WASHC4: variants seen among roughly 807,000 people sequenced by gnomAD.
WASHC4 encodes the protein WASH complex subunit 4, also known as WASH complex subunit 7.
A neutral mutation model predicts 166.6 loss-of-function variants in WASHC4; 86 were observed. That is an observed-to-expected ratio of 0.52 (90% CI 0.43 to 0.62). The LOEUF is 0.62. WASHC4 is among the 20% of genes least tolerant of loss of function. The pLI, the probability that WASHC4 is intolerant of heterozygous loss-of-function variation, is 0.00. For synonymous variants in WASHC4, 446 were observed against 451.6 expected (o/e 0.99, Z 0.16); for missense variants, 1,262 against 1,382.4 (o/e 0.91, Z 1.38).
At chr12:105,122,948 A>G (rs1880909037) in intron 10 of WASHC4, among the ~76,000 whole-genome samples, 2 of 152,186 alleles carry the variant, frequency 1.3e-5, no homozygotes, top group East Asian at 1.9e-4. Context: ...TAAGTGTTCA[A>G]ACGAAAAGAA....
At chr12:105,144,492 CTTTT>C (rs370837338) in intron 21 of WASHC4, 37 bp downstream of exon 21, 2,967 of 1,326,808 alleles carry the variant, frequency 2.2e-3, no homozygotes, top group Non-Finnish European at 2.5e-3. Flanking sequence ...GTCATATTCT[CTTTT>C]TTTTTTTTTT....
chr12:105,127,984 G>A (rs919608279), intron 13 of WASHC4, among the ~76,000 whole-genome samples: 2 of 152,140 alleles, frequency 1.3e-5, no homozygotes, highest in Non-Finnish European at 2.9e-5. Context: ...TCTTTCTTGA[G>A]TACATGGCTA....
rs955107362 is a variant in WASHC4 at position 105,156,663 on chromosome 12, A to G, written c.2759-63A>G. The stretch of plus-strand genomic sequence containing the variant: ...TTGTAATTTACTACTGTATGTAACT[A>G]TATTCCTATTAGAATTTAGAGTTAT... On this transcript the variant is annotated intron_variant, in intron 26 of 32. Transcript: ENST00000332180. The G allele has an allele frequency of 4.5e-6, 6 of 1,338,316 alleles. No individual in the cohort carries two copies. The South Asian group carries it at 6.0e-5, about 13-fold the overall frequency. 82.9% of individuals were successfully genotyped at this position (1,338,316 alleles called of 1,614,324 possible).
intron 24 of WASHC4, chr12:105,148,045 A>AG (rs1883456126): frequency 1.0e-6 from 1 of 985,342 alleles, no homozygotes. Flanking sequence ...TTTCTCCTTT[A>AG]GGGGAGAAGA....
At chr12:105,136,742 A>G (rs548841108) in intron 14 of WASHC4, among the ~76,000 whole-genome samples, 7 of 152,162 alleles carry the variant, frequency 4.6e-5, no homozygotes, top group African/African-American at 1.4e-4. Flanking sequence ...ACAAGGTAAG[A>G]CTGTGGCTCT....
intron 26 of WASHC4, among the ~76,000 whole-genome samples, chr12:105,153,161 A>G (rs1419444362): frequency 5.9e-5 from 9 of 152,204 alleles, no homozygotes; most frequent in Non-Finnish European, 8.8e-5. Flanking sequence ...TATATTCTTG[A>G]AAGTTTATAT....
intron 1 of WASHC4, among the ~76,000 whole-genome samples, chr12:105,108,636 A>G (rs954967787): frequency 2.0e-5 from 3 of 152,236 alleles, no homozygotes; most frequent in Admixed American, 2.0e-4. Context: ...AATTGTAGTG[A>G]AACTCTACTT....
intron 13 of WASHC4, among the ~76,000 whole-genome samples, chr12:105,131,078 A>AT (rs1566007028): frequency 4.7e-5 from 7 of 149,064 alleles, no homozygotes; most frequent in African/African-American, 1.7e-4. Context: ...TTATTTATTT[A>AT]TTTATTTTTT....
rs953094142 is a variant in WASHC4, at chr12:105,169,100, A to G, written c.*2169A>G. ...AATTCTAAGAGAATATAATGTGTAT[A>G]CTAAAACATTAATAAACATAATTTT... On this transcript the variant is annotated 3_prime_UTR_variant, in exon 33 of 33. Coordinates refer to ENST00000332180, the MANE Select transcript of WASHC4 (RefSeq NM_015275.3). 2 of 152,592 alleles carry G rather than the reference A, an allele frequency of 1.3e-5. No individual in the cohort carries two copies. The highest frequency in any genetic ancestry group is 2.9e-5 in the Non-Finnish European group (2 of 68,010). The allele number at this position is 152,592 out of a possible 1,614,324, so 9.5% of individuals were successfully genotyped here.
intron 30 of WASHC4, among the ~76,000 whole-genome samples, chr12:105,163,123 AT>A (rs1180373478): frequency 6.6e-6 from 1 of 151,132 alleles, no homozygotes; most frequent in South Asian, 2.1e-4. Context: ...CACCTGCCTA[AT>A]TTTTTTTGCA....
Position 105,133,883 on chromosome 12 carries a change from A to G in WASHC4, c.1313A>G (p.Asn438Ser). The change falls in exon 14 of 33, where the codon AAT becomes AGT. Residue 438 changes from asparagine (N) to serine (S), a missense_variant. Transcript: ENST00000332180. ...GCTGAAGATCTCACCAATAGATGTA[A>G]TGTTTTTATACAGGTAGTTGCATCT... is the stretch of plus-strand genomic sequence containing the variant. ...KFAEDLTNRC[N>S]VFIQGFLYAY... The G allele has an allele frequency of 6.2e-7, 1 of 1,612,048 alleles. No homozygotes were observed. The highest frequency in any genetic ancestry group is 8.5e-7 in the Non-Finnish European group (1 of 1,178,728).
At chr12:105,166,629 C>G (rs1884822926) in intron 32 of WASHC4, among the ~76,000 whole-genome samples, 1 of 152,052 alleles carries the variant, frequency 6.6e-6, no homozygotes, top group Non-Finnish European at 1.5e-5. Context: ...GTTCTGAGCT[C>G]CCTCAACTCC....
At chr12:105,133,276 T>G (rs1245777094) in intron 13 of WASHC4, among the ~76,000 whole-genome samples, 1 of 152,200 alleles carries the variant, frequency 6.6e-6, no homozygotes, top group African/African-American at 2.4e-5. Flanking sequence ...TGCGTTTGTC[T>G]TTCACTTTTC....
At position 105,141,261 on chromosome 12, in the gene WASHC4, G is replaced by GATAT. The variant is rs1453300079; in HGVS notation, c.1787+16_1787+19dup. 2 of 1,511,554 alleles carry GATAT rather than the reference G, an allele frequency of 1.3e-6. No homozygotes were observed. The highest frequency in any genetic ancestry group is 3.3e-5 in the Admixed American group (2 of 59,866). 93.6% of individuals were successfully genotyped at this position (1,511,554 alleles called of 1,614,324 possible). On this transcript the variant is annotated intron_variant, in intron 18 of 32. Coordinates refer to ENST00000332180, the MANE Select transcript of WASHC4 (RefSeq NM_015275.3). ...CTTAGAGAACGGTAAGTAGGACTGG[G>GATAT]ATATGCTGTGGTACTCCAAAGACAG...
intron 24 of WASHC4, chr12:105,148,205 A>T (rs1272465893): frequency 1.0e-6 from 1 of 985,166 alleles, no homozygotes; most frequent in Admixed American, 6.1e-5. Flanking sequence ...GCTCCATTAT[A>T]GTGGGGTTAT....
chr12:105,114,326 A>G (rs1177534912), intron 3 of WASHC4, 36 bp from the exon 4 acceptor site: 3 of 1,595,910 alleles, frequency 1.9e-6, no homozygotes, highest in South Asian at 2.2e-5. Context: ...ATCTGTAACA[A>G]TTTACTTTTT....
intron 19 of WASHC4, 94 bp downstream of exon 19, chr12:105,142,652 C>A (rs1882966674): frequency 4.1e-6 from 3 of 725,778 alleles, no homozygotes; most frequent in Non-Finnish European, 7.1e-6. Context: ...ATTTAATAAA[C>A]TTTTAAAATT....
intron 22 of WASHC4, among the ~76,000 whole-genome samples, chr12:105,145,573 A>G (rs1044540284): frequency 6.6e-6 from 1 of 152,010 alleles, no homozygotes; most frequent in African/African-American, 2.4e-5. Context: ...ATTCATTTAT[A>G]TATCTGATAT....
At chr12:105,127,502 C>T (rs1014108145) in intron 13 of WASHC4, among the ~76,000 whole-genome samples, 2 of 152,090 alleles carry the variant, frequency 1.3e-5, no homozygotes, top group Non-Finnish European at 2.9e-5. Context: ...ACAGATTATA[C>T]TTTATGGATA....
Sources: allele counts gnomAD v4.1 joint callset (sites outside exome capture counted in the v4.1 genomes callset), GRCh38; gene constraint gnomAD v4.1.1; transcripts MANE v1.5; gene names NCBI Gene and HGNC (gene_info 2026-07-23, HGNC 2026-07-21).